Variants in OXR1 observed in about 807,000 individuals in gnomAD.
The protein encoded by OXR1 is oxidation resistance protein 1.
A neutral mutation model predicts 104.6 loss-of-function variants in OXR1; 41 were observed. The ratio of observed to expected loss-of-function variants is 0.39; its 90% CI spans 0.31 to 0.51. The LOEUF (loss-of-function observed/expected upper bound fraction) is 0.51. OXR1 is among the 20% of genes least tolerant of loss of function. The pLI is 0.77. For synonymous variants in OXR1, 348 were observed against 348.4 expected (o/e 1.00, Z 0.01); for missense variants, 955 against 1,031.9 (o/e 0.93, Z 1.02).
chr8:106,336,208 A>T (rs1814957086), intron 1 of OXR1, among the ~76,000 whole-genome samples: 1 of 152,230 alleles, frequency 6.6e-6, no homozygotes, highest in African/African-American at 2.4e-5. Context: ...AGATAAAAGG[A>T]TCACAGTTTC....
chr8:106,417,742 C>A (rs1279819920), intron 2 of OXR1, among the ~76,000 whole-genome samples: 2 of 152,028 alleles, frequency 1.3e-5, no homozygotes, highest in Admixed American at 6.6e-5. Context: ...GCTTTTCTAC[C>A]CATAAAGTAT....
At chr8:106,306,646 C>T (rs1255858911) in intron 1 of OXR1, among the ~76,000 whole-genome samples, 1 of 152,068 alleles carries the variant, frequency 6.6e-6, no homozygotes, top group Non-Finnish European at 1.5e-5. Context: ...CATGACTTTA[C>T]TTTGAGTGAA....
At chr8:106,585,084 T>A (rs1002444990) in intron 3 of OXR1, among the ~76,000 whole-genome samples, 1 of 152,174 alleles carries the variant, frequency 6.6e-6, no homozygotes, top group Non-Finnish European at 1.5e-5. Flanking sequence ...TCAACTTGAA[T>A]AATGGTTATT....
chr8:106,749,438 G>GA (rs1835690673), intron 16 of OXR1, among the ~76,000 whole-genome samples: 1 of 152,048 alleles, frequency 6.6e-6, no homozygotes, highest in Admixed American at 6.5e-5. Context: ...GAAGGTCAGA[G>GA]GTTATAGCCA....
At chr8:106,436,462 G>T (rs1819573877) in intron 2 of OXR1, among the ~76,000 whole-genome samples, 1 of 150,982 alleles carries the variant, frequency 6.6e-6, no homozygotes, top group African/African-American at 2.4e-5. Context: ...AGAGTTTTAT[G>T]AATATGAGCT....
chr8:106,673,849 G>T (rs886692130), intron 3 of OXR1, among the ~76,000 whole-genome samples: 5 of 152,240 alleles, frequency 3.3e-5, no homozygotes, highest in Admixed American at 2.6e-4. Flanking sequence ...TTTACGTGCG[G>T]TGGTGTGCCT....
intron 11 of OXR1, among the ~76,000 whole-genome samples, chr8:106,715,022 T>C (rs1832093326): frequency 6.6e-6 from 1 of 152,136 alleles, no homozygotes; most frequent in South Asian, 2.1e-4. Flanking sequence ...ACCAACATTA[T>C]CAATCTTCAT....
chr8:106,682,300 G>A (rs1486363193), intron 4 of OXR1, among the ~76,000 whole-genome samples: 1 of 121,180 alleles, frequency 8.3e-6, no homozygotes. Flanking sequence ...ACAGAGTCTC[G>A]CCCTGTCGCC....
intron 2 of OXR1, among the ~76,000 whole-genome samples, chr8:106,416,386 G>T (rs896670579): frequency 6.6e-6 from 1 of 151,956 alleles, no homozygotes; most frequent in Admixed American, 6.6e-5. Context: ...CTTGACAAAG[G>T]GGTCAATTGC....
rs756741127 is a variant in OXR1 at position 106,339,519 on chromosome 8, AATATATAT to A, written c.-138-19927_-138-19920del. The stretch of plus-strand genomic sequence containing the variant: ...AAAAAAAAAAAAAAAAAAAAAAAAA[AATATATAT>A]ATATATATATATATATATATATATA... On this transcript the variant is annotated intron_variant, in intron 1 of 16. Coordinates refer to ENST00000517566, the MANE Select transcript of OXR1 (RefSeq NM_001198533.2). Among the ~76,000 whole-genome samples the A allele has an allele frequency of 7.9e-3, 263 of 33,346 alleles. 20 individuals are homozygous for A. Among genetic ancestry groups the A allele is most frequent in the East Asian group, 0.064 (36 of 564 alleles). 21.9% of individuals were successfully genotyped at this position (33,346 alleles called of 152,430 possible). A position where few individuals can be genotyped will look rare whatever the true frequency, so the allele number is the denominator to read the frequency against.
chr8:106,480,237 A>G (rs114525842), intron 2 of OXR1, among the ~76,000 whole-genome samples: 2,439 of 152,100 alleles, frequency 0.016, 57 homozygotes, highest in African/African-American at 0.056. Flanking sequence ...CCACACACCA[A>G]TATGCAGACC....
At chr8:106,581,049 T>A (rs1586842955) in intron 3 of OXR1, 1 of 1,155,582 alleles carries the variant, frequency 8.7e-7, no homozygotes, top group Non-Finnish European at 1.1e-6. Flanking sequence ...AGTGGGAAGG[T>A]GTAGACTTCT....
chr8:106,654,479 C>T (rs974006464), intron 3 of OXR1, among the ~76,000 whole-genome samples: 2 of 151,990 alleles, frequency 1.3e-5, no homozygotes, highest in African/African-American at 4.8e-5. Context: ...GATAGCCACA[C>T]ATAAAAGAAT....
chr8:106,443,153 G>A (rs554967736), intron 2 of OXR1, among the ~76,000 whole-genome samples: 4 of 152,064 alleles, frequency 2.6e-5, no homozygotes, highest in African/African-American at 9.6e-5. Context: ...CCTTAATTTC[G>A]TTATTTACTT....
At chr8:106,620,112 T>C (rs1196446441) in intron 3 of OXR1, among the ~76,000 whole-genome samples, 1 of 152,158 alleles carries the variant, frequency 6.6e-6, no homozygotes, top group African/African-American at 2.4e-5. Context: ...TTTTGCTTCA[T>C]TGTACCCATC....
chr8:106,664,922 C>T (rs957636026), intron 3 of OXR1, among the ~76,000 whole-genome samples: 2 of 152,118 alleles, frequency 1.3e-5, no homozygotes, highest in African/African-American at 4.8e-5. Context: ...ACCAATTTTA[C>T]CATAAGCTAA....
chr8:106,593,779 T>C lies in OXR1; in HGVS notation c.220+74640T>C, dbSNP rs527715305. 3.8e-4 allele frequency among the ~76,000 whole-genome samples: 58 copies of C among 151,812 alleles called. 1 individual carries two copies. In the South Asian group the frequency reaches 9.6e-3, roughly 25 times the overall value. On this transcript the variant is annotated intron_variant, in intron 3 of 16. Coordinates refer to ENST00000517566, the MANE Select transcript of OXR1 (RefSeq NM_001198533.2). ...CGACAGAGCGAGACTCCATCTCTAA[T>C]AATAATAATAATAGATTCTGATTTA...
chr8:106,537,968 G>A (rs1036060534), intron 3 of OXR1, among the ~76,000 whole-genome samples: 1 of 152,190 alleles, frequency 6.6e-6, no homozygotes, highest in Non-Finnish European at 1.5e-5. Flanking sequence ...TGAAATTTTA[G>A]CAAAGTTTAT....
intron 7 of OXR1, among the ~76,000 whole-genome samples, chr8:106,701,272 T>C (rs1830563935): frequency 6.6e-6 from 1 of 152,216 alleles, no homozygotes. Context: ...CACACACATA[T>C]ACTCTTCTCT....
Sources: gnomAD v4.1 joint callset for allele counts (sites outside exome capture counted in the v4.1 genomes callset) on GRCh38, gnomAD v4.1.1 for gene constraint, MANE v1.5 for transcripts, NCBI Gene and HGNC (gene_info 2026-07-23, HGNC 2026-07-21) for gene names.